Variants in CDH12 observed in about 807,000 individuals in gnomAD.
CDH12 encodes the protein cadherin 12, also known as cadherin-12.
A neutral mutation model predicts 74.1 loss-of-function variants in CDH12; 41 were observed. The ratio of observed to expected loss-of-function variants is 0.55; its 90% CI spans 0.43 to 0.72. The LOEUF (loss-of-function observed/expected upper bound fraction) is 0.72, where lower values mean the gene tolerates loss of function less well. Ranked by LOEUF, CDH12 falls within the 30% of genes least tolerant of loss-of-function variation. The pLI, the probability that CDH12 is intolerant of heterozygous loss-of-function variation, is 0.00. For missense variants in CDH12, 945 were observed against 977.2 expected, an observed-to-expected ratio of 0.97 and a Z score of 0.44; for synonymous variants, 399 against 355.0, an observed-to-expected ratio of 1.12 and a Z score of -1.39.
At chr5:22,841,480 T>C (rs1180069837) in intron 1 of CDH12, among the ~76,000 whole-genome samples, 1 of 152,062 alleles carries the variant, frequency 6.6e-6, no homozygotes, top group Non-Finnish European at 1.5e-5. Flanking sequence ...CAAAAAAAAG[T>C]TGAGTATAGG....
chr5:22,484,819 T>G (rs2126630376), intron 2 of CDH12, among the ~76,000 whole-genome samples: 1 of 152,296 alleles, frequency 6.6e-6, no homozygotes, highest in South Asian at 2.1e-4. Context: ...CACATACATA[T>G]TTCTCCTATT....
rs1286024081 is a variant in CDH12 at position 22,340,265 on chromosome 5, G to C, written c.-333+64992C>G. Among the ~76,000 whole-genome samples, 7 of 152,110 alleles carry C rather than the reference G, an allele frequency of 4.6e-5. No individual in the cohort carries two copies. In the East Asian group the frequency reaches 1.2e-3, roughly 25 times the overall value. ...TTCTGGGCTGGGTGCCGTGGCTCAC[G>C]CCTGTAACCCCAGCACTTTGGGAGG... On this transcript the variant is annotated intron_variant, in intron 3 of 14. Transcript: ENST00000382254.
chr5:22,694,419 T>A (rs1156679858), intron 1 of CDH12, among the ~76,000 whole-genome samples: 1 of 152,178 alleles, frequency 6.6e-6, no homozygotes, highest in African/African-American at 2.4e-5. Flanking sequence ...TAATATTTTT[T>A]AATTGTTATG....
At chr5:21,940,399 T>C (rs543342338) in intron 6 of CDH12, among the ~76,000 whole-genome samples, 1 of 152,270 alleles carries the variant, frequency 6.6e-6, no homozygotes, top group African/African-American at 2.4e-5. Context: ...AGCAAAAATA[T>C]CATTTTATAA....
chr5:22,291,996 A>G (rs570479992), intron 3 of CDH12, among the ~76,000 whole-genome samples: 1 of 152,322 alleles, frequency 6.6e-6, no homozygotes, highest in East Asian at 1.9e-4. Flanking sequence ...TGGTACTGGC[A>G]TAAAAAGAGA....
intron 7 of CDH12, among the ~76,000 whole-genome samples, chr5:21,846,393 T>C (rs566584871): frequency 1.0e-3 from 149 of 148,572 alleles, no homozygotes; most frequent in African/African-American, 3.5e-3. Flanking sequence ...TCTGCATCCT[T>C]GATTTCCTCA....
At chr5:22,719,415 T>A (rs374467353) in intron 1 of CDH12, among the ~76,000 whole-genome samples, 2 of 152,170 alleles carry the variant, frequency 1.3e-5, no homozygotes, top group Non-Finnish European at 2.9e-5. Flanking sequence ...CCTGAGAGAA[T>A]AGCAAATGTG....
At chr5:22,366,508 T>C (rs1580570214) in intron 3 of CDH12, among the ~76,000 whole-genome samples, 1 of 152,270 alleles carries the variant, frequency 6.6e-6, no homozygotes, top group East Asian at 1.9e-4. Context: ...CTTCTGGAGA[T>C]AAAGTTTAGA....
intron 3 of CDH12, among the ~76,000 whole-genome samples, chr5:22,314,813 A>G (rs1738542244): frequency 6.6e-6 from 1 of 152,082 alleles, no homozygotes; most frequent in Non-Finnish European, 1.5e-5. Context: ...AGATAAGAGG[A>G]ATTCAAGGTC....
chr5:22,327,244 C>T (rs572097102), intron 3 of CDH12, among the ~76,000 whole-genome samples: 1 of 152,090 alleles, frequency 6.6e-6, no homozygotes, highest in East Asian at 1.9e-4. Context: ...TGTCTTCAGA[C>T]TTACCAAGAA....
At chr5:22,297,312 C>T (rs1245330318) in intron 3 of CDH12, among the ~76,000 whole-genome samples, 5 of 152,216 alleles carry the variant, frequency 3.3e-5, no homozygotes, top group East Asian at 3.9e-4. Flanking sequence ...TAAGCCACCG[C>T]GCCCGGCTTT....
At chr5:22,849,474 T>C (rs1737452116) in intron 1 of CDH12, among the ~76,000 whole-genome samples, 1 of 152,168 alleles carries the variant, frequency 6.6e-6, no homozygotes. Flanking sequence ...TTTAGCATCG[T>C]GCTTTGCCGG....
intron 1 of CDH12, among the ~76,000 whole-genome samples, chr5:22,816,109 C>T (rs914366085): frequency 5.3e-5 from 8 of 152,088 alleles, no homozygotes; most frequent in African/African-American, 9.7e-5. Context: ...GCTTTATTTT[C>T]GGGGCCAGGC....
At chr5:22,227,636 A>T (rs961138885) in intron 3 of CDH12, among the ~76,000 whole-genome samples, 4 of 152,126 alleles carry the variant, frequency 2.6e-5, no homozygotes, top group Non-Finnish European at 5.9e-5. Context: ...CCTTCTCTAC[A>T]ATTATTTATA....
chr5:22,456,531 A>G (rs1225866054), intron 2 of CDH12, among the ~76,000 whole-genome samples: 4 of 152,150 alleles, frequency 2.6e-5, no homozygotes, highest in Admixed American at 2.6e-4. Flanking sequence ...TATGTGATCT[A>G]TATCTTAAAC....
At chr5:22,184,079 G>T (rs1749797945) in intron 4 of CDH12, among the ~76,000 whole-genome samples, 1 of 151,662 alleles carries the variant, frequency 6.6e-6, no homozygotes. Flanking sequence ...CCTTCCAGTT[G>T]TGTGGTTAAG....
chr5:21,965,503 T>C (rs1756539444), intron 6 of CDH12, among the ~76,000 whole-genome samples: 1 of 152,070 alleles, frequency 6.6e-6, no homozygotes, highest in African/African-American at 2.4e-5. Flanking sequence ...AATTGACATA[T>C]TTCTTTTTCG....
chr5:22,181,562 G>A (rs567374297), intron 4 of CDH12, among the ~76,000 whole-genome samples: 2 of 151,766 alleles, frequency 1.3e-5, no homozygotes, highest in East Asian at 1.9e-4. Flanking sequence ...TTTCAATCTC[G>A]GGCTTATTTA....
At chr5:21,984,773 T>C (rs1003986979) in intron 5 of CDH12, among the ~76,000 whole-genome samples, 8 of 152,190 alleles carry the variant, frequency 5.3e-5, no homozygotes, top group African/African-American at 1.9e-4. Context: ...TAGAAGTAAT[T>C]ATATGATGAA....
Sources: allele counts gnomAD v4.1 joint callset (sites outside exome capture counted in the v4.1 genomes callset), GRCh38; gene constraint gnomAD v4.1.1; transcripts MANE v1.5; gene names NCBI Gene and HGNC (gene_info 2026-07-23, HGNC 2026-07-21).